Variants in SORL1 observed in about 807,000 individuals in gnomAD.
The protein encoded by SORL1 is sortilin related receptor 1, also known as sortilin-related receptor.
SORL1 carries 127 observed loss-of-function variants against 273.7 expected under a neutral mutation model. The observed-to-expected ratio is 0.46, with a 90% CI of 0.40 to 0.54. The LOEUF is 0.54. Among genes scored for constraint, SORL1 ranks in the 20% least tolerant of loss-of-function variants. SORL1 has a pLI of 0.00. For missense variants in SORL1, 2,494 were observed against 2,846.1 expected, an observed-to-expected ratio of 0.88 and a Z score of 2.81; for synonymous variants, 1,031 against 1,067.4, an observed-to-expected ratio of 0.97 and a Z score of 0.66.
At chr11:121,466,965 A>C (rs1861091281) in intron 1 of SORL1, among the ~76,000 whole-genome samples, 1 of 152,084 alleles carries the variant, frequency 6.6e-6, no homozygotes, top group African/African-American at 2.4e-5. Flanking sequence ...AAAGAAGAGA[A>C]AGAAACAAAG....
chr11:121,589,474 C>T, intron 29 of SORL1, 84 bp downstream of exon 29: 2 of 1,535,572 alleles, frequency 1.3e-6, no homozygotes, highest in Non-Finnish European at 1.8e-6. Context: ...CACCGGCAAC[C>T]CCACTGCAGA....
At chr11:121,606,471 C>T (rs1863474697) in intron 35 of SORL1, among the ~76,000 whole-genome samples, 1 of 152,084 alleles carries the variant, frequency 6.6e-6, no homozygotes, top group Non-Finnish European at 1.5e-5. Context: ...GTAGTCATGC[C>T]CACAGTACAG....
chr11:121,452,452 C>T lies in SORL1; in HGVS notation c.121C>T (p.Pro41Ser), dbSNP rs1179644636. 1.3e-6 allele frequency: 2 copies of T among 1,509,712 alleles called. No homozygotes were observed. The highest frequency in any genetic ancestry group is 2.8e-5 in the East Asian group (1 of 35,876). 93.5% of individuals were successfully genotyped at this position (1,509,712 alleles called of 1,614,324 possible). ...GCAGAGGCTGCACGGCGGCAGCGCGCCCTTGCCCCAGGACCGGGGCTTCCT... is the reference window on the plus strand; with the variant it reads ...GCAGAGGCTGCACGGCGGCAGCGCGTCCTTGCCCCAGGACCGGGGCTTCCT... The part of the protein sequence containing the change: ...WTQRLHGGSA[P>S]LPQDRGFLVV... The change falls in exon 1 of 48, where the codon CCC becomes TCC. Residue 41 changes from proline (P) to serine (S), a missense_variant. By Grantham distance (74) the Pro-to-Ser change is moderately conservative. This residue lies in a region of SORL1 where 175 missense variants were observed against 147.1 expected (regional missense o/e 1.19). Transcript: ENST00000260197. This position sits in a 1 kb window ranked among gnomAD's most constrained non-coding sequence, Gnocchi z 5.3.
chr11:121,587,890 G>A, intron 27 of SORL1, 130 bp from the exon 28 acceptor site: 1 of 1,025,504 alleles, frequency 9.8e-7, no homozygotes, highest in South Asian at 1.5e-5. Context: ...GAAAACAAGT[G>A]CTCAATAAAT....
intron 1 of SORL1, among the ~76,000 whole-genome samples, chr11:121,464,234 G>C (rs1861048590): frequency 6.6e-6 from 1 of 152,132 alleles, no homozygotes; most frequent in Non-Finnish European, 1.5e-5. Context: ...ATTTGAAAGA[G>C]GTGTAGAGAG....
At chr11:121,616,463 G>A (rs1177159997) in intron 41 of SORL1, among the ~76,000 whole-genome samples, 4 of 152,126 alleles carry the variant, frequency 2.6e-5, no homozygotes, top group East Asian at 3.9e-4. Context: ...CTTGGCTCCC[G>A]TGGCTCTGTG....
chr11:121,500,517 C>T (rs537498134), intron 6 of SORL1, among the ~76,000 whole-genome samples: 37 of 152,304 alleles, frequency 2.4e-4, no homozygotes, highest in African/African-American at 8.9e-4. Flanking sequence ...ATGCTCATTG[C>T]TTATTTGTGG....
At chr11:121,468,293 C>T (rs543728878) in intron 1 of SORL1, among the ~76,000 whole-genome samples, 100 of 152,256 alleles carry the variant, frequency 6.6e-4, no homozygotes, top group African/African-American at 2.3e-3. Context: ...TTTCCTTCCA[C>T]GTGTGCCTCA....
chr11:121,578,778 C>T (rs777576952), intron 25 of SORL1, among the ~76,000 whole-genome samples: 9 of 152,216 alleles, frequency 5.9e-5, no homozygotes, highest in Middle Eastern at 3.2e-3. Flanking sequence ...AAATCCTGTT[C>T]GCTTGTAAAG....
intron 14 of SORL1, among the ~76,000 whole-genome samples, chr11:121,547,194 G>A (rs1222198209): frequency 4.6e-5 from 7 of 151,906 alleles, no homozygotes; most frequent in Admixed American, 4.6e-4. Context: ...CCCCAGACCA[G>A]CTTGAGACTG....
intron 29 of SORL1, among the ~76,000 whole-genome samples, chr11:121,589,680 A>C (rs1863180185): frequency 6.6e-6 from 1 of 152,236 alleles, no homozygotes; most frequent in African/African-American, 2.4e-5. Context: ...AATATTATGG[A>C]GTGACCTCCC....
chr11:121,517,700 A>G (rs1327268695), intron 8 of SORL1, among the ~76,000 whole-genome samples: 1 of 152,202 alleles, frequency 6.6e-6, no homozygotes, highest in Non-Finnish European at 1.5e-5. Context: ...GCCTGAGCGC[A>G]CAGTCCAGTG....
At chr11:121,545,870 G>A (rs1422118107) in intron 14 of SORL1, among the ~76,000 whole-genome samples, 4 of 152,188 alleles carry the variant, frequency 2.6e-5, no homozygotes, top group Non-Finnish European at 4.4e-5. Context: ...AATATCCAAG[G>A]CACTGCTGCG....
chr11:121,582,240 G>A (rs971278955), intron 25 of SORL1, among the ~76,000 whole-genome samples: 5 of 152,204 alleles, frequency 3.3e-5, no homozygotes, highest in African/African-American at 1.2e-4. Context: ...TAAAATTCCT[G>A]AGGACATCAT....
At chr11:121,540,479 C>T (rs1291976640) in intron 12 of SORL1, among the ~76,000 whole-genome samples, 1 of 134,614 alleles carries the variant, frequency 7.4e-6, no homozygotes, top group Non-Finnish European at 1.5e-5. Flanking sequence ...GAGTTTGAGA[C>T]CAGCCTGGCC....
At chr11:121,588,203 T>C in intron 28 of SORL1, 52 bp downstream of exon 28, 1 of 1,603,622 alleles carries the variant, frequency 6.2e-7, no homozygotes, top group Non-Finnish European at 8.5e-7. Context: ...AGAACTTGCA[T>C]GGGGGTTTGG....
chr11:121,582,264 CA>C (rs1329322966), intron 25 of SORL1, among the ~76,000 whole-genome samples: 2 of 152,208 alleles, frequency 1.3e-5, no homozygotes, highest in Non-Finnish European at 2.9e-5. Context: ...CCAATTTTCC[CA>C]GTCCTTGGGC....
chr11:121,514,133 T>C lies in SORL1; in HGVS notation c.1042-19T>C, dbSNP rs1861917481. 1.2e-6 allele frequency: 2 copies of C among 1,608,018 alleles called. No homozygotes were observed. Among genetic ancestry groups the C allele is most frequent in the African/African-American group, 2.7e-5 (2 of 74,664 alleles). ...ACATTTGTTTTTTGACGTATCTTTTTTGACTTTTGATTCCAAAGGAATATT... is the reference window on the plus strand; with the variant it reads ...ACATTTGTTTTTTGACGTATCTTTTCTGACTTTTGATTCCAAAGGAATATT... On this transcript the variant is annotated intron_variant, in intron 7 of 47. Coordinates refer to ENST00000260197, the MANE Select transcript of SORL1 (RefSeq NM_003105.6).
chr11:121,522,511 A>G, intron 9 of SORL1, 75 bp from the exon 10 acceptor site: 1 of 1,153,802 alleles, frequency 8.7e-7, no homozygotes, highest in South Asian at 1.2e-5. Flanking sequence ...CTCCCCTCAC[A>G]CAGGCCGCAG....
Sources: allele counts gnomAD v4.1 joint callset (sites outside exome capture counted in the v4.1 genomes callset), GRCh38; gene constraint gnomAD v4.1.1; regional missense constraint gnomAD v4.1.1; non-coding constraint Gnocchi (gnomAD v3.1); transcripts MANE v1.5; gene names NCBI Gene and HGNC (gene_info 2026-07-23, HGNC 2026-07-21).